Variants in CDH13 observed in about 807,000 individuals in gnomAD.
CDH13 encodes cadherin-13.
CDH13 carries 24 observed loss-of-function variants against 63.8 expected under a neutral mutation model. The ratio of observed to expected loss-of-function variants is 0.38; its 90% CI spans 0.27 to 0.53. The LOEUF (loss-of-function observed/expected upper bound fraction) is 0.53. Ranked by LOEUF, CDH13 falls within the 20% of genes least tolerant of loss-of-function variation. CDH13 has a pLI of 0.85. For missense variants in CDH13, 1,049 were observed against 903.1 expected, an observed-to-expected ratio of 1.16 and a Z score of -2.07; for synonymous variants, 503 against 355.3, an observed-to-expected ratio of 1.42 and a Z score of -4.67.
intron 6 of CDH13, among the ~76,000 whole-genome samples, chr16:83,359,334 G>A (rs954593179): frequency 1.3e-5 from 2 of 152,172 alleles, no homozygotes; most frequent in African/African-American, 4.8e-5. Context: ...GGATGGCTGT[G>A]AAGGTTCTGT....
intron 4 of CDH13, among the ~76,000 whole-genome samples, chr16:83,139,043 G>A (rs1010776096): frequency 3.9e-5 from 6 of 152,180 alleles, no homozygotes; most frequent in African/African-American, 1.4e-4. Flanking sequence ...TGAAACTGAA[G>A]GAACTGTTTT....
intron 1 of CDH13, among the ~76,000 whole-genome samples, chr16:82,666,611 T>C (rs1388925066): frequency 2.0e-5 from 3 of 152,214 alleles, no homozygotes; most frequent in Non-Finnish European, 4.4e-5. Flanking sequence ...ACTATTTTTT[T>C]GGCCATTTAC....
chr16:83,650,538 AC>A (rs1247499403), intron 8 of CDH13, among the ~76,000 whole-genome samples: 3 of 152,116 alleles, frequency 2.0e-5, no homozygotes, highest in Non-Finnish European at 4.4e-5. Context: ...GTGGTTCTCA[AC>A]CCCAGAGGGT....
intron 8 of CDH13, among the ~76,000 whole-genome samples, chr16:83,658,507 A>G (rs1241657970): frequency 2.4e-4 from 34 of 139,244 alleles, no homozygotes; most frequent in Admixed American, 5.7e-4. Flanking sequence ...GCAAGGTCCC[A>G]TGTCCTCACC....
chr16:83,316,163 C>T (rs2090100491), intron 5 of CDH13, among the ~76,000 whole-genome samples: 1 of 152,104 alleles, frequency 6.6e-6, no homozygotes, highest in African/African-American at 2.4e-5. Context: ...CACTGACTAT[C>T]ACAAGAAGAG....
At chr16:83,340,162 A>G (rs1337130184) in intron 5 of CDH13, among the ~76,000 whole-genome samples, 1 of 152,210 alleles carries the variant, frequency 6.6e-6, no homozygotes, top group African/African-American at 2.4e-5. Context: ...TGATCAGACA[A>G]AATATGATTT....
At chr16:83,375,844 C>T (rs568586681) in intron 6 of CDH13, among the ~76,000 whole-genome samples, 1 of 151,974 alleles carries the variant, frequency 6.6e-6, no homozygotes, top group East Asian at 1.9e-4. Context: ...GGAGATGTGA[C>T]TTGAGGGTAG....
chr16:82,998,977 A>G (rs969090088), intron 2 of CDH13, among the ~76,000 whole-genome samples: 2 of 151,688 alleles, frequency 1.3e-5, no homozygotes, highest in East Asian at 1.9e-4. Context: ...ACGCACATGA[A>G]TATTTATCTT....
chr16:82,983,358 A>G (rs951983776), intron 2 of CDH13, among the ~76,000 whole-genome samples: 3 of 152,096 alleles, frequency 2.0e-5, no homozygotes, highest in African/African-American at 7.2e-5. Context: ...TTCCCCTAAT[A>G]TAATAATTGG....
At chr16:83,779,930 T>G (rs1176976646) in intron 11 of CDH13, 38 bp from the exon 12 acceptor site, 1 of 1,405,458 alleles carries the variant, frequency 7.1e-7, no homozygotes, top group Non-Finnish European at 1.0e-6. Context: ...CTCTCGCATA[T>G]ACCAGTTGCA....
chr16:83,281,037 C>G (rs11149553), intron 5 of CDH13, among the ~76,000 whole-genome samples: 2,503 of 152,324 alleles, frequency 0.016, 67 homozygotes, highest in African/African-American at 0.053. Context: ...TACCCCCTAA[C>G]CAGAGAGTCT....
chr16:83,528,012 G>C (rs1311015738), intron 7 of CDH13, among the ~76,000 whole-genome samples: 1 of 152,152 alleles, frequency 6.6e-6, no homozygotes, highest in Non-Finnish European at 1.5e-5. Context: ...TATCGGGAAG[G>C]CCAGGGCTAG....
chr16:83,076,012 A>G (rs2032808792), intron 3 of CDH13, among the ~76,000 whole-genome samples: 1 of 152,210 alleles, frequency 6.6e-6, no homozygotes, highest in Admixed American at 6.5e-5. Context: ...GTGTTAAGGG[A>G]AGTATGCAAA....
rs183412273 is a variant in CDH13, at chr16:83,428,693, G to A, written c.782-57784G>A. 6.6e-3 allele frequency among the ~76,000 whole-genome samples: 1,004 copies of A among 152,330 alleles called. 5 individuals are homozygous for A. The highest frequency in any genetic ancestry group is 9.0e-3 in the Non-Finnish European group (612 of 68,022). On this transcript the variant is annotated intron_variant, in intron 6 of 13. Coordinates refer to ENST00000567109, the MANE Select transcript of CDH13 (RefSeq NM_001257.5). ...AATTAGTCCGTAAGACAAGGGGATG[G>A]ATGAGATTCTGTATCGGTTTGCGAT...
intron 4 of CDH13, among the ~76,000 whole-genome samples, chr16:83,179,481 TAA>T (rs565547312): frequency 2.8e-4 from 19 of 69,070 alleles, no homozygotes; most frequent in Non-Finnish European, 3.0e-4. Flanking sequence ...CCGTCTCTAC[TAA>T]AAAAAAAAAA....
chr16:83,324,753 G>A lies in CDH13; in HGVS notation c.637-20109G>A, dbSNP rs560119386. ...GGGACACATGTTTTTATTTCTCTTG[G>A]CTATTTGTCTAGGAGTGGAACTGCT... On this transcript the variant is annotated intron_variant, in intron 5 of 13. Transcript: ENST00000567109. 2.9e-3 allele frequency among the ~76,000 whole-genome samples: 439 copies of A among 152,260 alleles called. 4 individuals are homozygous for A. The highest frequency in any genetic ancestry group is 0.01 in the African/African-American group (425 of 41,542).
intron 3 of CDH13, among the ~76,000 whole-genome samples, chr16:83,084,039 G>T (rs1329131043): frequency 1.3e-5 from 2 of 152,130 alleles, no homozygotes; most frequent in Non-Finnish European, 2.9e-5. Flanking sequence ...ACTACACTTT[G>T]TGGCCACATG....
intron 11 of CDH13, among the ~76,000 whole-genome samples, chr16:83,769,871 A>G (rs897366648): frequency 3.9e-5 from 6 of 152,296 alleles, no homozygotes; most frequent in Middle Eastern, 6.8e-3. Context: ...GGTAGGAAGC[A>G]GGCTGAAAGG....
chr16:83,015,711 A>ATATG (rs1407307486), intron 2 of CDH13, among the ~76,000 whole-genome samples: 1 of 124,850 alleles, frequency 8.0e-6, no homozygotes, highest in African/African-American at 2.9e-5. Context: ...ATATATATAT[A>ATATG]TATATATATA....
Sources: allele counts gnomAD v4.1 joint callset (sites outside exome capture counted in the v4.1 genomes callset), GRCh38; gene constraint gnomAD v4.1.1; transcripts MANE v1.5; gene names NCBI Gene and HGNC (gene_info 2026-07-23, HGNC 2026-07-21).